The following BMAL2 variants were observed in gnomAD, a reference collection of about 807,000 sequenced individuals.
BMAL2 encodes the protein basic helix-loop-helix ARNT like 2.
At chr12:27,382,256 G>T in the BMAL2 span, among the ~76,000 whole-genome samples, 1 of 152,206 alleles carries the variant, frequency 6.6e-6, no homozygotes, top group African/African-American at 2.4e-5. Flanking sequence ...AGTGTCCTAA[G>T]GGAGGAAGAC....
At chr12:27,388,824 A>G in the BMAL2 span, among the ~76,000 whole-genome samples, 2 of 152,236 alleles carry the variant, frequency 1.3e-5, no homozygotes, top group African/African-American at 2.4e-5. Context: ...TGATTTCTAT[A>G]TTATACTATG....
chr12:27,356,750 G>A, the BMAL2 span, among the ~76,000 whole-genome samples: 5 of 151,824 alleles, frequency 3.3e-5, no homozygotes, highest in Admixed American at 1.3e-4. Flanking sequence ...TAAACATTAC[G>A]TAAGCATTTA....
chr12:27,420,546 A>C, the BMAL2 span: 1 of 1,540,370 alleles, frequency 6.5e-7, no homozygotes, highest in East Asian at 2.3e-5. Flanking sequence ...TTGATTTTTA[A>C]CTCCAAAAAT....
chr12:27,353,320 A>G, the BMAL2 span, among the ~76,000 whole-genome samples: 7 of 152,208 alleles, frequency 4.6e-5, no homozygotes, highest in Admixed American at 2.6e-4. Context: ...GTTACAAACA[A>G]TGGGGAAATG....
the BMAL2 span, chr12:27,376,450 G>C: frequency 6.7e-7 from 1 of 1,493,374 alleles, no homozygotes; most frequent in Non-Finnish European, 9.3e-7. Context: ...CAAGCCTGTA[G>C]CCTAAGGCAA....
the BMAL2 span, among the ~76,000 whole-genome samples, chr12:27,365,176 T>G: frequency 1.3e-5 from 2 of 152,118 alleles, no homozygotes; most frequent in Non-Finnish European, 2.9e-5. Flanking sequence ...TGTTCTTGTT[T>G]CTGATCTTAA....
the BMAL2 span, chr12:27,389,113 G>A: frequency 3.3e-4 from 339 of 1,018,946 alleles, 2 homozygotes; most frequent in Admixed American, 9.1e-4. Context: ...AACATTTATT[G>A]TATGCATCAA....
At chr12:27,403,128 C>T in the BMAL2 span, among the ~76,000 whole-genome samples, 1 of 152,112 alleles carries the variant, frequency 6.6e-6, no homozygotes, top group Admixed American at 6.5e-5. Flanking sequence ...TTTTTCACCA[C>T]AGGAATATAT....
the BMAL2 span, among the ~76,000 whole-genome samples, chr12:27,383,714 C>T: frequency 6.6e-6 from 1 of 152,204 alleles, no homozygotes; most frequent in Non-Finnish European, 1.5e-5. Flanking sequence ...TCAGAGTCTG[C>T]GTTCTTCATT....
chr12:27,401,193 C>A, the BMAL2 span: 1 of 1,261,042 alleles, frequency 7.9e-7, no homozygotes, highest in Non-Finnish European at 1.2e-6. Context: ...ATATGTGGGC[C>A]TACAGTCTTC....
the BMAL2 span, among the ~76,000 whole-genome samples, chr12:27,370,757 C>A: frequency 6.6e-6 from 1 of 152,202 alleles, no homozygotes. Flanking sequence ...AGGCACCCGC[C>A]GACACACCCG....
the BMAL2 span, among the ~76,000 whole-genome samples, chr12:27,405,784 C>A: frequency 1.3e-5 from 2 of 152,208 alleles, no homozygotes; most frequent in East Asian, 3.9e-4. Context: ...TTCAGATGAT[C>A]AAACTACTCC....
the BMAL2 span, among the ~76,000 whole-genome samples, chr12:27,334,916 A>G: frequency 3.9e-5 from 6 of 152,208 alleles, no homozygotes; most frequent in African/African-American, 7.2e-5. Context: ...GCTCACAGTT[A>G]TACAGCCAGG....
At chr12:27,423,886 C>G in the BMAL2 span, 7 of 152,132 alleles carry the variant, frequency 4.6e-5, no homozygotes, top group African/African-American at 1.7e-4. Context: ...CTGTCCAGTG[C>G]AGTAGCCACT....
the BMAL2 span, among the ~76,000 whole-genome samples, chr12:27,393,630 C>T: frequency 6.6e-6 from 1 of 152,218 alleles, no homozygotes; most frequent in African/African-American, 2.4e-5. Flanking sequence ...AAGATCCCTG[C>T]ACATTGGCTG....
At chr12:27,420,021 A>G in the BMAL2 span, among the ~76,000 whole-genome samples, 331 of 121,718 alleles carry the variant, frequency 2.7e-3, 1 homozygote, top group African/African-American at 0.011. Context: ...TTGCGCGTGC[A>G]CACACACACA....
chr12:27,412,553 A>C, the BMAL2 span, among the ~76,000 whole-genome samples: 1 of 152,180 alleles, frequency 6.6e-6, no homozygotes. Context: ...GTGATATCAG[A>C]TGCCAGCAAG....
chr12:27,374,859 G>T, the BMAL2 span, among the ~76,000 whole-genome samples: 1 of 152,240 alleles, frequency 6.6e-6, no homozygotes, highest in East Asian at 1.9e-4. Context: ...CTTCACCACT[G>T]TGCTGTGAGA....
chr12:27,395,421 C>T, the BMAL2 span, among the ~76,000 whole-genome samples: 1 of 152,258 alleles, frequency 6.6e-6, no homozygotes, highest in East Asian at 1.9e-4. Context: ...AATCTGCGGA[C>T]TTTTAACCCT....
Sources: gnomAD v4.1 joint callset for allele counts (sites outside exome capture counted in the v4.1 genomes callset) on GRCh38, gnomAD v4.1.1 for gene constraint, MANE v1.5 for transcripts, NCBI Gene and HGNC (gene_info 2026-07-23, HGNC 2026-07-21) for gene names.